The following MACROD1 variants were observed in gnomAD, a reference collection of about 807,000 sequenced individuals.
The protein encoded by MACROD1 is ADP-ribose glycohydrolase MACROD1.
In MACROD1, 31 loss-of-function variants were observed where a neutral mutation model predicts 41.4. The ratio of observed to expected loss-of-function variants is 0.75; its 90% CI spans 0.56 to 1.01. The LOEUF (loss-of-function observed/expected upper bound fraction) is 1.01. Among genes scored for constraint, MACROD1 ranks in the 50% least tolerant of loss-of-function variants. The probability of loss-of-function intolerance (pLI) is 0.00; values close to 1 mark genes in which losing one functional copy is unlikely to be tolerated. For missense variants in MACROD1, 473 were observed against 460.0 expected (o/e 1.03, Z -0.26); for synonymous variants, 252 against 203.4 (o/e 1.24, Z -2.03).
In MACROD1 at chr11:64,000,360, C is replaced by A. The variant is rs1363425328; in HGVS notation, c.548-17G>T. On this transcript the variant is annotated splice_polypyrimidine_tract_variant and intron_variant, in intron 4 of 10. Transcript: ENST00000255681. ...AGCCGTCCACTGCGGGAAGGGCGGG[C>A]GCGACTGAGCTGGCCTGGCAAGGCT... 4.6e-6 allele frequency: 7 copies of A among 1,524,918 alleles called. No homozygotes were observed. In the South Asian group the frequency reaches 7.3e-5, roughly 16 times the overall value. The allele number at this position is 1,524,918 out of a possible 1,614,324, so 94.5% of individuals were successfully genotyped here. A position where few individuals can be genotyped will look rare whatever the true frequency, so the allele number is the denominator to read the frequency against.
chr11:64,151,900 G>A (rs765946860), intron 2 of MACROD1, among the ~76,000 whole-genome samples: 6 of 152,136 alleles, frequency 3.9e-5, no homozygotes, highest in South Asian at 4.1e-4. Flanking sequence ...AGGCCGTGGC[G>A]GGCAGATCAC....
chr11:64,135,677 C>A (rs765049564), intron 3 of MACROD1, among the ~76,000 whole-genome samples: 1 of 152,238 alleles, frequency 6.6e-6, no homozygotes, highest in African/African-American at 2.4e-5. Flanking sequence ...TCGAGGGGCC[C>A]CTTCTGCAGC....
chr11:64,034,425 T>C (rs1414911184), intron 3 of MACROD1, among the ~76,000 whole-genome samples: 2 of 152,210 alleles, frequency 1.3e-5, no homozygotes, highest in Non-Finnish European at 2.9e-5. Context: ...AAATAGCTGT[T>C]TGGTGAATTG....
At chr11:64,038,117 GC>G in intron 3 of MACROD1, among the ~76,000 whole-genome samples, 1 of 152,144 alleles carries the variant, frequency 6.6e-6, no homozygotes, top group Non-Finnish European at 1.5e-5. Context: ...CATCTCCGAG[GC>G]CTCCCATGAA....
chr11:64,116,159 CACT>C, intron 3 of MACROD1: 1 of 1,474,952 alleles, frequency 6.8e-7, no homozygotes, highest in Non-Finnish European at 9.0e-7. Flanking sequence ...ATGCACGATT[CACT>C]CCTGGGGTCG....
intron 3 of MACROD1, among the ~76,000 whole-genome samples, chr11:64,088,570 TC>T (rs1211615196): frequency 6.6e-6 from 1 of 151,960 alleles, no homozygotes; most frequent in African/African-American, 2.4e-5. Flanking sequence ...AGTGTGTTTC[TC>T]CTGGCCTGGA....
chr11:64,017,750 C>T (rs953176696), intron 3 of MACROD1, among the ~76,000 whole-genome samples: 4 of 152,144 alleles, frequency 2.6e-5, no homozygotes, highest in African/African-American at 9.7e-5. Context: ...GTCCTGGCAG[C>T]GGTCGGCAGC....
At chr11:64,094,471 T>TG (rs1944542584) in intron 3 of MACROD1, among the ~76,000 whole-genome samples, 1 of 150,644 alleles carries the variant, frequency 6.6e-6, no homozygotes, top group Admixed American at 6.6e-5. Context: ...TTAAGCAGGC[T>TG]GGGGACAAGG....
At chr11:64,048,798 T>G (rs965010375) in intron 3 of MACROD1, among the ~76,000 whole-genome samples, 5 of 152,206 alleles carry the variant, frequency 3.3e-5, no homozygotes, top group Non-Finnish European at 7.3e-5. Flanking sequence ...GAACCCATTC[T>G]GAGCCCCAGG....
rs939175903 is a variant in MACROD1 at position 64,090,444 on chromosome 11, G to A, written c.517+60795C>T. On this transcript the variant is annotated intron_variant, in intron 3 of 10. Transcript: ENST00000255681. The surrounding 1 kb of genome is among the most constrained non-coding windows in gnomAD (Gnocchi z 4.7). Reference sequence around the variant, plus strand: ...CCTCCAGCCCGGGCAGCAGTGGGTCGATAATAATTTACGAGGCAGCCCCTG... The same window carrying A: ...CCTCCAGCCCGGGCAGCAGTGGGTCAATAATAATTTACGAGGCAGCCCCTG... Among the ~76,000 whole-genome samples, 3 of 152,302 alleles carry A rather than the reference G, an allele frequency of 2.0e-5. No homozygotes were observed. Among genetic ancestry groups the A allele is most frequent in the African/African-American group, 4.8e-5 (2 of 41,578 alleles).
chr11:64,125,830 G>A (rs1032345829), intron 3 of MACROD1, among the ~76,000 whole-genome samples: 4 of 152,340 alleles, frequency 2.6e-5, no homozygotes, highest in South Asian at 2.1e-4. Flanking sequence ...GATCCCAGGC[G>A]ACACCTGCTG....
At chr11:64,117,862 G>A (rs1314539415) in intron 3 of MACROD1, 3 of 1,614,168 alleles carry the variant, frequency 1.9e-6, no homozygotes, top group Non-Finnish European at 2.5e-6. Context: ...ACAGCCGACA[G>A]CTATGGCCCT....
intron 3 of MACROD1, among the ~76,000 whole-genome samples, chr11:64,045,534 T>A (rs1398417612): frequency 6.6e-6 from 1 of 152,188 alleles, no homozygotes; most frequent in Admixed American, 6.5e-5. Context: ...TCCCAGCCTC[T>A]GGGTCACTTA....
intron 1 of MACROD1, among the ~76,000 whole-genome samples, chr11:64,157,731 C>T (rs1945691446): frequency 6.6e-6 from 1 of 152,134 alleles, no homozygotes; most frequent in Non-Finnish European, 1.5e-5. Context: ...GTCTTTATGG[C>T]ACTTTGCAAG....
chr11:64,063,449 C>T (rs1442867643), intron 3 of MACROD1, among the ~76,000 whole-genome samples: 2 of 151,966 alleles, frequency 1.3e-5, no homozygotes, highest in Non-Finnish European at 1.5e-5. Flanking sequence ...CCAGGGGTGG[C>T]GAATTGTGCT....
chr11:63,998,811 C>T (rs1942760368), intron 10 of MACROD1, 27 bp downstream of exon 10: 2 of 1,503,778 alleles, frequency 1.3e-6, no homozygotes, highest in Non-Finnish European at 1.8e-6. Flanking sequence ...GGGCCGGGGC[C>T]GCCGCACGGG....
chr11:64,066,294 CAAAAAAAAAAA>C (rs59963244), intron 3 of MACROD1, among the ~76,000 whole-genome samples: 2 of 50,936 alleles, frequency 3.9e-5, no homozygotes, highest in East Asian at 5.2e-4. Context: ...GAGACTGTCT[CAAAAAAAAAAA>C]AAAAAAAAAA....
At chr11:64,139,237 C>T (rs1377105275) in intron 3 of MACROD1, among the ~76,000 whole-genome samples, 2 of 152,216 alleles carry the variant, frequency 1.3e-5, no homozygotes, top group Non-Finnish European at 2.9e-5. Context: ...GCTCTCCATG[C>T]TCCTGCATCC....
At chr11:64,138,872 A>AT (rs1200161682) in intron 3 of MACROD1, among the ~76,000 whole-genome samples, 1 of 151,998 alleles carries the variant, frequency 6.6e-6, no homozygotes, top group East Asian at 1.9e-4. Context: ...GGTTCAAGCA[A>AT]TTCTCCTGCC....
Sources: gnomAD v4.1 joint callset for allele counts (sites outside exome capture counted in the v4.1 genomes callset) on GRCh38, gnomAD v4.1.1 for gene constraint, Gnocchi (gnomAD v3.1) non-coding constraint, MANE v1.5 for transcripts, NCBI Gene and HGNC (gene_info 2026-07-23, HGNC 2026-07-21) for gene names.